Variants in NKX2-6 observed in about 807,000 individuals in gnomAD.
The protein encoded by NKX2-6 is homeobox protein Nkx-2.6.
A neutral mutation model predicts 8.6 loss-of-function variants in NKX2-6; 8 were observed. The observed-to-expected ratio is 0.93, with a 90% CI of 0.54 to 1.67. The LOEUF is 1.67. NKX2-6 is among the 40% of genes most tolerant of loss of function. NKX2-6 has a pLI of 0.00. For synonymous variants in NKX2-6, 210 were observed against 199.3 expected (o/e 1.05, Z -0.45); for missense variants, 475 against 423.1 (o/e 1.12, Z -1.08).
chr8:23,703,924 G>A (rs1280302948), intron 1 of NKX2-6, among the ~76,000 whole-genome samples: 2 of 152,036 alleles, frequency 1.3e-5, no homozygotes, highest in African/African-American at 4.8e-5. Flanking sequence ...GAGAAGCCCG[G>A]GTGTCAAGAA....
rs1427727198 is a variant in NKX2-6 at position 23,702,919 on chromosome 8, G to T, written c.438C>A (p.Ala146=). The change falls in exon 2 of 2, where the codon GCC becomes GCA. Residue 146 remains alanine (A), a synonymous_variant. Coordinates refer to ENST00000325017, the MANE Select transcript of NKX2-6 (RefSeq NM_001136271.3). ...GCTGCTGCTTGAAGCGCCGCTCCAG[G>T]GCCAGCACCTGCGCCTGCGAAAAGA... ...RVLFSQAQVL[A]LERRFKQQRY... is the part of the protein sequence containing the mutation. 1 of 1,551,218 alleles carries T rather than the reference G, an allele frequency of 6.4e-7. No individual in the cohort carries two copies. The highest frequency in any genetic ancestry group is 2.4e-5 in the East Asian group (1 of 41,014).
Position 23,702,593 on chromosome 8 carries a change from C to G in NKX2-6, c.764G>C (p.Gly255Ala). The G allele has an allele frequency of 6.5e-7, 1 of 1,546,304 alleles. No homozygotes were observed. The highest frequency in any genetic ancestry group is 8.7e-7 in the Non-Finnish European group (1 of 1,146,266). ...CGCGCCCGCGTAGCAGGTGCCGTAG[C>G]CTGCGCCGTAGGGTGCTCCGCTGTA... is the stretch of plus-strand genomic sequence containing the variant. ...GGYSGAPYGA[G>A]YGTCYAGAPS... The change falls in exon 2 of 2, where the codon GGC becomes GCC. Residue 255 changes from glycine to alanine, a missense_variant. Transcript: ENST00000325017.
At position 23,706,404 on chromosome 8, in the gene NKX2-6, T is replaced by A; in HGVS notation, c.195A>T (p.Arg65Ser). 1 of 1,551,168 alleles carries A rather than the reference T, an allele frequency of 6.4e-7. No homozygotes were observed. ...VHNAGGGGGD[R>S]KLDGSEPPGG... Reference sequence around the variant, plus strand: ...CAGGAGGCTCCGAACCATCCAGCTTTCTGTCACCGCCGCCGCCACCAGCGT... The same window carrying A: ...CAGGAGGCTCCGAACCATCCAGCTTACTGTCACCGCCGCCGCCACCAGCGT... The change falls in exon 1 of 2, where the codon AGA becomes AGT. Residue 65 changes from arginine to serine, a missense_variant. Physicochemically the swap from Arg to Ser is moderately radical, Grantham distance 110. Transcript: ENST00000325017.
chr8:23,705,503 C>T (rs1052482417), intron 1 of NKX2-6, among the ~76,000 whole-genome samples: 8 of 152,194 alleles, frequency 5.3e-5, no homozygotes, highest in African/African-American at 1.9e-4. Context: ...TATCGGGCCT[C>T]TCCAGCTGAA....
rs1801018418 is a variant in NKX2-6, at chr8:23,702,432, A to G, written c.*19T>C. ...GAACGAGCATCTGGCCCTGGTTGGCAGAGTCAAGCCGAGGAGCCTCACCAG... is the reference window on the plus strand; with the variant it reads ...GAACGAGCATCTGGCCCTGGTTGGCGGAGTCAAGCCGAGGAGCCTCACCAG... On this transcript the variant is annotated 3_prime_UTR_variant, in exon 2 of 2. Coordinates refer to ENST00000325017, the MANE Select transcript of NKX2-6 (RefSeq NM_001136271.3). The G allele has an allele frequency of 1.4e-6, 2 of 1,438,324 alleles. No individual in the cohort carries two copies. The highest frequency in any genetic ancestry group is 5.5e-5 in the Admixed American group (2 of 36,512). 89.1% of individuals were successfully genotyped at this position (1,438,324 alleles called of 1,614,324 possible).
Position 23,706,527 on chromosome 8 carries a change from G to C in NKX2-6, c.72C>G (p.Ser24Arg), listed in dbSNP as rs1164967010. The C allele has an allele frequency of 6.5e-7, 1 of 1,537,220 alleles. No homozygotes were observed. Among genetic ancestry groups the C allele is most frequent in the Admixed American group, 2.0e-5 (1 of 51,012 alleles). Reference protein sequence around the residue: ...KDILRLERERSCPAASPHPRV... With the variant: ...KDILRLERERRCPAASPHPRV... ...GCGGATGTGGCGAAGCCGCGGGGCA[G>C]CTCCGCTCGCGCTCCAGTCGCAGGA... Residue 24 changes from serine (S) to arginine (R), a missense_variant, in exon 1 of 2, where the codon AGC becomes AGG. Coordinates refer to ENST00000325017, the MANE Select transcript of NKX2-6 (RefSeq NM_001136271.3).
rs1186826930 is a variant in NKX2-6 at position 23,701,937 on chromosome 8, G to A, written c.*514C>T. Among the ~76,000 whole-genome samples the A allele has an allele frequency of 6.6e-6, 1 of 152,122 alleles. No individual in the cohort carries two copies. The highest frequency in any genetic ancestry group is 1.5e-5 in the Non-Finnish European group (1 of 68,008). Reference sequence around the variant, plus strand: ...TCCCAAAGGAAGAGGCTCAAAGCAGGTTACTCTTCGTGAACTTCCCGGATC... The same window carrying A: ...TCCCAAAGGAAGAGGCTCAAAGCAGATTACTCTTCGTGAACTTCCCGGATC... On this transcript the variant is annotated 3_prime_UTR_variant, in exon 2 of 2. Coordinates refer to ENST00000325017, the MANE Select transcript of NKX2-6 (RefSeq NM_001136271.3).
chr8:23,703,657 C>G (rs1801044727), intron 1 of NKX2-6, among the ~76,000 whole-genome samples: 1 of 151,948 alleles, frequency 6.6e-6, no homozygotes, highest in African/African-American at 2.4e-5. Flanking sequence ...GATCGTGCCA[C>G]TGCACTCCAG....
Position 23,706,504 on chromosome 8 carries a change from G to A in NKX2-6, c.95C>T (p.Pro32Leu), listed in dbSNP as rs1176894958. 4 of 1,538,454 alleles carry A rather than the reference G, an allele frequency of 2.6e-6. No homozygotes were observed. The highest frequency in any genetic ancestry group is 2.0e-5 in the Admixed American group (1 of 50,990). The change falls in exon 1 of 2, where the codon CCG (proline) becomes CTG (leucine). Residue 32 changes from proline to leucine, a missense_variant. By Grantham distance (98) the Pro-to-Leu change is moderately conservative (BLOSUM62 -3). Coordinates refer to ENST00000325017, the MANE Select transcript of NKX2-6 (RefSeq NM_001136271.3). ...GTTTTCCGGGCTCTTCCGCACCCGC[G>A]GATGTGGCGAAGCCGCGGGGCAGCT... ...ERSCPAASPH[P>L]RVRKSPENFQ...
chr8:23,706,714 G>A lies in NKX2-6; in HGVS notation c.-116C>T. On this transcript the variant is annotated 5_prime_UTR_variant, in exon 1 of 2. Transcript: ENST00000325017. The stretch of plus-strand genomic sequence containing the variant: ...ACCCAAGCTCTGGGACAGACGCCCA[G>A]CGTCCCAGACAGCGCCTTCCTCTGG... 8.3e-7 allele frequency: 1 copy of A among 1,210,764 alleles called. No individual in the cohort carries two copies. 75.0% of individuals were successfully genotyped at this position (1,210,764 alleles called of 1,614,324 possible). A position where few individuals can be genotyped will look rare whatever the true frequency, so the allele number is the denominator to read the frequency against.
chr8:23,706,680 C>T lies in NKX2-6; in HGVS notation c.-82G>A, dbSNP rs1585254062. On this transcript the variant is annotated 5_prime_UTR_variant, in exon 1 of 2. Transcript: ENST00000325017. ...CTTCCCGTCTTGTCGCTGCAGGCCC[C>T]GCAGACAGACCCAAGCTCTGGGACA... 3.6e-6 allele frequency: 5 copies of T among 1,400,178 alleles called. No individual in the cohort carries two copies. Among genetic ancestry groups the T allele is most frequent in the East Asian group, 2.5e-5 (1 of 40,180 alleles). 86.7% of individuals were successfully genotyped at this position (1,400,178 alleles called of 1,614,324 possible). A position where few individuals can be genotyped will look rare whatever the true frequency, so the allele number is the denominator to read the frequency against.
chr8:23,705,744 C>T (rs1286884337), intron 1 of NKX2-6, among the ~76,000 whole-genome samples: 1 of 152,246 alleles, frequency 6.6e-6, no homozygotes, highest in Admixed American at 6.5e-5. Context: ...CCAACGGGGC[C>T]TTCCACTTCG....
In NKX2-6 at chr8:23,702,717, C is replaced by A. The variant is rs1489880968; in HGVS notation, c.640G>T (p.Val214Leu). The A allele has an allele frequency of 6.4e-7, 1 of 1,551,436 alleles. No individual in the cohort carries two copies. Among genetic ancestry groups the A allele is most frequent in the Non-Finnish European group, 8.7e-7 (1 of 1,146,916 alleles). ...CCCAGGCAGGGCTTGCCATCGCGCA[C>A]CAGGACGGGCACAGCTACTCGGCGC... ...TPRRVAVPVL[V>L]RDGKPCLGPG... The change falls in exon 2 of 2, where the codon GTG becomes TTG. Residue 214 changes from valine to leucine, a missense_variant. Coordinates refer to ENST00000325017, the MANE Select transcript of NKX2-6 (RefSeq NM_001136271.3).
intron 1 of NKX2-6, among the ~76,000 whole-genome samples, chr8:23,706,001 C>G (rs1480927876): frequency 1.3e-5 from 2 of 152,052 alleles, no homozygotes; most frequent in Non-Finnish European, 2.9e-5. Flanking sequence ...CGGAGGGTTT[C>G]GCTGTGGAGA....
At chr8:23,703,713 A>AC (rs11402124) in intron 1 of NKX2-6, among the ~76,000 whole-genome samples, 149,956 of 151,938 alleles carry the variant, frequency 0.99, 74,016 homozygotes, top group Non-Finnish European at 1. Flanking sequence ...AAACAAACAA[A>AC]AAACAAACAA....
rs545394251 is a variant in NKX2-6, at chr8:23,706,403, T to G, written c.196A>C (p.Lys66Gln). ...HNAGGGGGDR[K>Q]LDGSEPPGGP... The stretch of plus-strand genomic sequence containing the variant: ...CCAGGAGGCTCCGAACCATCCAGCT[T>G]TCTGTCACCGCCGCCGCCACCAGCG... Residue 66 changes from lysine (K) to glutamine (Q), a missense_variant, in exon 1 of 2, where the codon AAG becomes CAG. Transcript: ENST00000325017. 300 of 1,551,150 alleles carry G rather than the reference T, an allele frequency of 1.9e-4. 2 individuals are homozygous for G. In the South Asian group the frequency reaches 3.4e-3, roughly 18 times the overall value.
rs560537458 is a variant in NKX2-6, at chr8:23,706,335, C to A, written c.264G>T (p.Met88Ile). The change falls in exon 1 of 2, where the codon ATG becomes ATT. Residue 88 changes from methionine to isoleucine, a missense_variant. Physicochemically the swap from Met to Ile is conservative, Grantham distance 10. Transcript: ENST00000325017. The stretch of plus-strand genomic sequence containing the variant: ...TGAGCGCTTACTCACGTGGCTCCCC[C>A]ATCCGTTCCGCGTCCATCTCCAAGA... ...EAVLEMDAER[M>I]GEPQPGLNAA... 2 of 1,549,490 alleles carry A rather than the reference C, an allele frequency of 1.3e-6. No homozygotes were observed. The highest frequency in any genetic ancestry group is 3.9e-5 in the Admixed American group (2 of 50,950).
chr8:23,705,910 C>T (rs988217898), intron 1 of NKX2-6, among the ~76,000 whole-genome samples: 1 of 152,166 alleles, frequency 6.6e-6, no homozygotes, highest in African/African-American at 2.4e-5. Flanking sequence ...TGGCCACACG[C>T]TTTTGCAAAC....
intron 1 of NKX2-6, among the ~76,000 whole-genome samples, chr8:23,703,814 C>T (rs1032019152): frequency 6.6e-6 from 1 of 151,744 alleles, no homozygotes; most frequent in Non-Finnish European, 1.5e-5. Flanking sequence ...GACTTTGGAC[C>T]CTCCTTGGAA....
Sources: allele counts gnomAD v4.1 joint callset (sites outside exome capture counted in the v4.1 genomes callset), GRCh38; gene constraint gnomAD v4.1.1; transcripts MANE v1.5; gene names NCBI Gene and HGNC (gene_info 2026-07-23, HGNC 2026-07-21).